AFDN: variants seen among roughly 807,000 people sequenced by gnomAD.
AFDN encodes the protein afadin, adherens junction formation factor.
A neutral mutation model predicts 216.6 loss-of-function variants in AFDN; 68 were observed. The observed-to-expected ratio is 0.31, with a 90% CI of 0.26 to 0.38. AFDN has a LOEUF of 0.38. AFDN is among the 10% of genes least tolerant of loss of function. AFDN has a pLI of 1.00. For missense variants in AFDN, 2,136 were observed against 2,342.0 expected (o/e 0.91, Z 1.82); for synonymous variants, 868 against 853.7 (o/e 1.02, Z -0.29).
At chr6:167,899,166 G>C (rs564442856) in intron 11 of AFDN, among the ~76,000 whole-genome samples, 1 of 152,114 alleles carries the variant, frequency 6.6e-6, no homozygotes, top group Admixed American at 6.5e-5. Context: ...GCATGCCTTT[G>C]ATTAGCCACC....
rs767904944 is a variant in AFDN, at chr6:167,946,876, T to C, written c.3528T>C (p.Asp1176=). 1.2e-6 allele frequency: 2 copies of C among 1,612,486 alleles called. No individual in the cohort carries two copies. The highest frequency in any genetic ancestry group is 1.7e-6 in the Non-Finnish European group (2 of 1,179,580). ...ACAGACTGATGAAAAATAGAGCTGA[T>C]CACCGTTCCAGCCCCAACGTAGCAA... is the stretch of plus-strand genomic sequence containing the variant. ...GDDRLMKNRA[D]HRSSPNVANQ... Residue 1176 remains aspartate (D), a synonymous_variant, in exon 27 of 34, where the codon GAT becomes GAC. Coordinates refer to ENST00000683244, the MANE Select transcript of AFDN (RefSeq NM_001386888.1).
rs146614613 is a variant in AFDN at position 167,907,225 on chromosome 6, C to T, written c.1705C>T (p.Arg569Trp). The change falls in exon 13 of 34, where the codon CGG becomes TGG. Residue 569 changes from arginine to tryptophan, a missense_variant. Arg to Trp is a moderately radical substitution (Grantham distance 101). This residue lies in a region of AFDN where 817 missense variants were observed against 965.7 expected (regional missense o/e 0.85). Transcript: ENST00000683244. ...RVSSASSTAE[R>W]GMVKPMIRVE... ...GTCGTCTGCCTCTAGCACAGCCGAG[C>T]GGGGAATGGTGAAGCCGATGATCAG... 8 of 1,613,924 alleles carry T rather than the reference C, an allele frequency of 5.0e-6. No individual in the cohort carries two copies. Among genetic ancestry groups the T allele is most frequent in the East Asian group, 2.2e-5 (1 of 44,884 alleles).
chr6:167,968,226 G>T (rs1166897303), intron 32 of AFDN, among the ~76,000 whole-genome samples: 4 of 152,212 alleles, frequency 2.6e-5, no homozygotes, highest in South Asian at 2.1e-4. Context: ...TTATCTAAAG[G>T]CCCGCTATAA....
At chr6:167,866,918 C>A (rs1784252698) in intron 2 of AFDN, among the ~76,000 whole-genome samples, 1 of 152,224 alleles carries the variant, frequency 6.6e-6, no homozygotes, top group South Asian at 2.1e-4. Context: ...GCTAAAGCCC[C>A]AGCCCCAAAC....
intron 1 of AFDN, among the ~76,000 whole-genome samples, chr6:167,857,982 G>T (rs913703041): frequency 2.0e-5 from 3 of 152,162 alleles, no homozygotes; most frequent in African/African-American, 7.2e-5. Flanking sequence ...TCACAGATGT[G>T]ATAATTGCTT....
In AFDN at chr6:167,951,835, C is replaced by T. The variant is rs781654826; in HGVS notation, c.4481C>T (p.Pro1494Leu). Residue 1494 changes from proline to leucine, a missense_variant, in exon 30 of 34, where the codon CCC (proline) becomes CTC (leucine). By Grantham distance (98) the Pro-to-Leu change is moderately conservative (BLOSUM62 -3). Around this residue, in one of 8 missense-constraint regions of AFDN, gnomAD observed 981 missense variants for 966.0 expected, o/e 1.02. Transcript: ENST00000683244. This position sits in a 1 kb window ranked among gnomAD's most constrained non-coding sequence, Gnocchi z 7.1. Reference sequence around the variant, plus strand: ...CGGGAGCTGCAGCCTCAGCAGCAGCCCCGCACGATCGAGCGCAGAGACTTG... The same window carrying T: ...CGGGAGCTGCAGCCTCAGCAGCAGCTCCGCACGATCGAGCGCAGAGACTTG... ...VIRELQPQQQ[P>L]RTIERRDLQY... is the part of the protein sequence containing the mutation. The T allele has an allele frequency of 6.2e-7, 1 of 1,614,080 alleles. No homozygotes were observed. The highest frequency in any genetic ancestry group is 2.2e-5 in the East Asian group (1 of 44,864).
chr6:167,886,163 CAGAA>C (rs1475250923), intron 6 of AFDN, among the ~76,000 whole-genome samples: 1 of 150,946 alleles, frequency 6.6e-6, no homozygotes, highest in Non-Finnish European at 1.5e-5. Context: ...TATTCAGAAT[CAGAA>C]AGAAATACAG....
intron 1 of AFDN, among the ~76,000 whole-genome samples, chr6:167,830,270 T>C (rs1779679678): frequency 6.6e-6 from 1 of 152,242 alleles, no homozygotes; most frequent in South Asian, 2.1e-4. Context: ...GGTCTCCCTG[T>C]TGGTTTTAAC....
chr6:167,861,928 T>C (rs923216650), intron 1 of AFDN, among the ~76,000 whole-genome samples: 1 of 152,212 alleles, frequency 6.6e-6, no homozygotes, highest in Non-Finnish European at 1.5e-5. Flanking sequence ...AATTGCTTTT[T>C]TGCTTTAACT....
In AFDN at chr6:167,827,074, C is replaced by A. The variant is rs911653969; in HGVS notation, c.-59C>A. ...GGGCGCCGGGCCCCCGCGGACCTGT[C>A]GTCCTCGGCCCGTCCTCCGGCCCCG... On this transcript the variant is annotated 5_prime_UTR_variant, in exon 1 of 34. Transcript: ENST00000683244. 1,515 of 921,808 alleles carry A rather than the reference C, an allele frequency of 1.6e-3. 7 individuals carry two copies. The highest frequency in any genetic ancestry group is 1.9e-3 in the Middle Eastern group (4 of 2,054). 57.1% of individuals were successfully genotyped at this position (921,808 alleles called of 1,614,324 possible).
chr6:167,896,012 A>T (rs1393792422), intron 9 of AFDN, among the ~76,000 whole-genome samples: 24 of 152,132 alleles, frequency 1.6e-4, no homozygotes, highest in Admixed American at 1.6e-3. Context: ...GTCAACTCTG[A>T]AATCAGAATA....
intron 1 of AFDN, among the ~76,000 whole-genome samples, chr6:167,837,000 G>A (rs1780514033): frequency 6.6e-6 from 1 of 152,162 alleles, no homozygotes; most frequent in Non-Finnish European, 1.5e-5. Context: ...TGGCAAAGGT[G>A]ACTTCAGTGA....
chr6:167,910,590 G>GA (rs1485663005), intron 13 of AFDN, among the ~76,000 whole-genome samples: 4 of 152,192 alleles, frequency 2.6e-5, no homozygotes, highest in Admixed American at 2.0e-4. Flanking sequence ...GTAAGCATTG[G>GA]AAAATGATGA....
chr6:167,927,927 A>T (rs185001878), intron 23 of AFDN, among the ~76,000 whole-genome samples: 187 of 152,186 alleles, frequency 1.2e-3, no homozygotes, highest in Middle Eastern at 3.4e-3. Flanking sequence ...AGAATCACAA[A>T]TTACCCTACT....
chr6:167,893,736 A>C, intron 8 of AFDN, 126 bp from the exon 9 acceptor site: 1 of 728,596 alleles, frequency 1.4e-6, no homozygotes, highest in Non-Finnish European at 2.5e-6. Context: ...TCTTCCTTTG[A>C]AACGTGTCTC....
At chr6:167,901,920 C>T (rs1305305778) in intron 11 of AFDN, among the ~76,000 whole-genome samples, 1 of 151,526 alleles carries the variant, frequency 6.6e-6, no homozygotes, top group Non-Finnish European at 1.5e-5. Flanking sequence ...TGGTGAAACC[C>T]CATCTCTACA....
rs756791277 is a variant in AFDN at position 167,969,830 on chromosome 6, A to G, written c.5391A>G (p.Thr1797=). The change falls in exon 34 of 34, where the codon ACA becomes ACG. Residue 1797 remains threonine (T), a synonymous_variant. Coordinates refer to ENST00000683244, the MANE Select transcript of AFDN (RefSeq NM_001386888.1). ...PGSSGAPENL[T]FKERQRLFSQ... ...GTTCTGGGGCCCCTGAAAACTTGAC[A>G]TTCAAGGAACGCCAGCGTCTTTTTT... The G allele has an allele frequency of 1.2e-6, 2 of 1,613,022 alleles. No individual in the cohort carries two copies. The highest frequency in any genetic ancestry group is 1.1e-5 in the South Asian group (1 of 90,668).
intron 12 of AFDN, 22 bp downstream of exon 12, chr6:167,902,408 G>A: frequency 6.4e-7 from 1 of 1,556,694 alleles, no homozygotes. Flanking sequence ...TGGATTACCT[G>A]ATAGAAGTGT....
intron 2 of AFDN, among the ~76,000 whole-genome samples, chr6:167,868,288 A>G (rs1784414082): frequency 6.6e-6 from 1 of 152,200 alleles, no homozygotes. Flanking sequence ...GCATGTACCT[A>G]TAGTCACAGC....
Sources: allele counts gnomAD v4.1 joint callset (sites outside exome capture counted in the v4.1 genomes callset), GRCh38; gene constraint gnomAD v4.1.1; regional missense constraint gnomAD v4.1.1; non-coding constraint Gnocchi (gnomAD v3.1); transcripts MANE v1.5; gene names NCBI Gene and HGNC (gene_info 2026-07-23, HGNC 2026-07-21).